The following CCNT1 variants were observed in gnomAD, a reference collection of about 807,000 sequenced individuals.
CCNT1 encodes cyclin T1.
Under a neutral mutation model 67.3 loss-of-function variants are expected in CCNT1, and 18 were observed. That is an observed-to-expected ratio of 0.27 (90% CI 0.18 to 0.40). CCNT1 has a LOEUF of 0.40. Among genes scored for constraint, CCNT1 ranks in the 10% least tolerant of loss-of-function variants. The probability of loss-of-function intolerance (pLI) is 1.00; values close to 1 mark genes in which losing one functional copy is unlikely to be tolerated. For synonymous variants in CCNT1, 333 were observed against 310.3 expected (o/e 1.07, Z -0.77); for missense variants, 744 against 884.9 (o/e 0.84, Z 2.02).
intron 1 of CCNT1, among the ~76,000 whole-genome samples, chr12:48,715,846 T>C (rs1446960160): frequency 6.6e-6 from 1 of 152,232 alleles, no homozygotes; most frequent in African/African-American, 2.4e-5. Context: ...TTTAAAACAT[T>C]AGATTCGTGG....
At chr12:48,711,239 G>C (rs1429639297) in intron 2 of CCNT1, among the ~76,000 whole-genome samples, 1 of 151,948 alleles carries the variant, frequency 6.6e-6, no homozygotes, top group African/African-American at 2.4e-5. Context: ...AATTAGCTGG[G>C]TGTGGTGGCG....
At chr12:48,699,987 T>C (rs1940238298) in intron 4 of CCNT1, 147 bp from the exon 5 acceptor site, 2 of 575,846 alleles carry the variant, frequency 3.5e-6, no homozygotes, top group Admixed American at 3.2e-5. Context: ...AAAAACATCA[T>C]TGTCCCATGA....
At chr12:48,694,491 C>T in intron 8 of CCNT1, 55 bp from the exon 9 acceptor site, 4 of 1,480,818 alleles carry the variant, frequency 2.7e-6, no homozygotes, top group Middle Eastern at 1.8e-4. Context: ...AATAAAAAAA[C>T]ACTGAGATGA....
intron 3 of CCNT1, among the ~76,000 whole-genome samples, chr12:48,705,242 G>A (rs578183107): frequency 1.3e-5 from 2 of 152,172 alleles, no homozygotes; most frequent in East Asian, 3.9e-4. Context: ...CTCCCAAGTA[G>A]CTGGGACTAA....
chr12:48,712,141 C>T (rs924179057), intron 2 of CCNT1, among the ~76,000 whole-genome samples: 3 of 152,102 alleles, frequency 2.0e-5, no homozygotes, highest in South Asian at 2.1e-4. Context: ...TGTGCAGTTA[C>T]TCCCAATACT....
Position 48,697,851 on chromosome 12 carries a change from AAAAAAT to A in CCNT1, c.542+281_542+286del, listed in dbSNP as rs1449256786. ...AATAATAATAATTTAAAAAAAAAAAAAAAAATATATATATATATATATATATACACA... is the reference window on the plus strand; with the variant it reads ...AATAATAATAATTTAAAAAAAAAAAAATATATATATATATATATATACACA... On this transcript the variant is annotated intron_variant, in intron 6 of 8. Transcript: ENST00000261900. 932 of 99,400 alleles carry A rather than the reference AAAAAAT, an allele frequency of 9.4e-3. 1 individual carries two copies. The highest frequency in any genetic ancestry group is 0.022 in the African/African-American group (622 of 28,672). The allele number at this position is 99,400 out of a possible 1,614,324, so 6.2% of individuals were successfully genotyped here.
chr12:48,696,796 T>A (rs1447554715), intron 6 of CCNT1, among the ~76,000 whole-genome samples: 2 of 152,202 alleles, frequency 1.3e-5, no homozygotes, highest in East Asian at 3.8e-4. Flanking sequence ...TAACTAACAA[T>A]GTTGGGCAAG....
Position 48,690,985 on chromosome 12 carries a change from A to G in CCNT1, c.*2048T>C, listed in dbSNP as rs1940063138. 6.6e-6 allele frequency: 1 copy of G among 152,230 alleles called. No individual in the cohort carries two copies. Among genetic ancestry groups the G allele is most frequent in the Admixed American group, 6.5e-5 (1 of 15,278 alleles). The allele number at this position is 152,230 out of a possible 1,614,324, so 9.4% of individuals were successfully genotyped here. Reference sequence around the variant, plus strand: ...TAAATAGAAGCCCTAAATGTACTAAACCACAACTATATATCTACCAATTAT... The same window carrying G: ...TAAATAGAAGCCCTAAATGTACTAAGCCACAACTATATATCTACCAATTAT... On this transcript the variant is annotated 3_prime_UTR_variant, in exon 9 of 9. Transcript: ENST00000261900.
At position 48,692,377 on chromosome 12, in the gene CCNT1, C is replaced by T. The variant is rs1005962771; in HGVS notation, c.*656G>A. 1 of 151,940 alleles carries T rather than the reference C, an allele frequency of 6.6e-6. No individual in the cohort carries two copies. The highest frequency in any genetic ancestry group is 1.5e-5 in the Non-Finnish European group (1 of 68,042). The allele number at this position is 151,940 out of a possible 1,614,324, so 9.4% of individuals were successfully genotyped here. A position where few individuals can be genotyped will look rare whatever the true frequency, so the allele number is the denominator to read the frequency against. ...TTTTAAACACACACACTTAAAAACACACATACCCACACTTACATACACACT... is the reference window on the plus strand; with the variant it reads ...TTTTAAACACACACACTTAAAAACATACATACCCACACTTACATACACACT... On this transcript the variant is annotated 3_prime_UTR_variant, in exon 9 of 9. Coordinates refer to ENST00000261900, the MANE Select transcript of CCNT1 (RefSeq NM_001240.4).
At position 48,694,319 on chromosome 12, in the gene CCNT1, A is replaced by C. The variant is rs1940136363; in HGVS notation, c.895T>G (p.Leu299Val). ...GTGGTAGAAGTTGACATGCTCATTA[A>C]ACCTGCAATGGTTGTGTCTGAAGAG... ...QSSSDTTIAGLMSMSTSTTSA... is the reference protein window; with the variant it reads ...QSSSDTTIAGVMSMSTSTTSA... The change falls in exon 9 of 9, where the codon TTA becomes GTA. Residue 299 changes from leucine to valine, a missense_variant. Leu to Val is a conservative substitution (Grantham distance 32, BLOSUM62 1). Transcript: ENST00000261900. The C allele has an allele frequency of 6.2e-7, 1 of 1,614,188 alleles. No homozygotes were observed. Among genetic ancestry groups the C allele is most frequent in the East Asian group, 2.2e-5 (1 of 44,884 alleles).
intron 3 of CCNT1, among the ~76,000 whole-genome samples, chr12:48,702,488 A>C (rs1383087934): frequency 6.6e-6 from 1 of 152,248 alleles, no homozygotes; most frequent in Admixed American, 6.5e-5. Flanking sequence ...TTAGACAGTT[A>C]AAAAATAAAG....
chr12:48,693,130 G>A lies in CCNT1; in HGVS notation c.2084C>T (p.Ser695Phe). The A allele has an allele frequency of 6.2e-7, 1 of 1,614,150 alleles. No individual in the cohort carries two copies. Among genetic ancestry groups the A allele is most frequent in the South Asian group, 1.1e-5 (1 of 91,080 alleles). The change falls in exon 9 of 9, where the codon TCT (serine) becomes TTT (phenylalanine). Residue 695 changes from serine to phenylalanine, a missense_variant. This residue lies in a region of CCNT1 where 564 missense variants were observed against 574.2 expected (regional missense o/e 0.98). Transcript: ENST00000261900. ...RPYSDYLNPR[S>F]GGISSRSGNT... ...GCCAGATCTCGAGGAGATTCCACCA[G>A]ACCGAGGATTCAGATAGTCACTATA...
At chr12:48,699,948 A>C in intron 4 of CCNT1, 108 bp from the exon 5 acceptor site, 1 of 597,138 alleles carries the variant, frequency 1.7e-6, no homozygotes. Flanking sequence ...TTTCCACACT[A>C]AAATATTAAT....
chr12:48,708,272 C>T (rs1295806023), intron 2 of CCNT1, among the ~76,000 whole-genome samples: 1 of 150,096 alleles, frequency 6.7e-6, no homozygotes, highest in Non-Finnish European at 1.5e-5. Context: ...GTAGGCCGGG[C>T]GTGGTGGCTC....
intron 3 of CCNT1, 122 bp from the exon 4 acceptor site, chr12:48,701,195 G>A: frequency 3.1e-6 from 1 of 325,520 alleles, no homozygotes; most frequent in Non-Finnish European, 6.2e-6. Flanking sequence ...TTAGGAGGTA[G>A]AGTTAAGAAC....
chr12:48,688,609 T>C lies in CCNT1; in HGVS notation c.*4424A>G, dbSNP rs1305599094. 1 of 152,178 alleles carries C rather than the reference T, an allele frequency of 6.6e-6. No homozygotes were observed. Among genetic ancestry groups the C allele is most frequent in the Non-Finnish European group, 1.5e-5 (1 of 68,038 alleles). 9.4% of individuals were successfully genotyped at this position (152,178 alleles called of 1,614,324 possible). On this transcript the variant is annotated 3_prime_UTR_variant, in exon 9 of 9. Transcript: ENST00000261900. ...ATTTTTTTACAAAGAGCCCTTACTA[T>C]AATGGTCACTTACCTCCTATCATTC...
At chr12:48,714,389 G>C in intron 2 of CCNT1, 54 bp downstream of exon 2, 1 of 1,104,398 alleles carries the variant, frequency 9.1e-7, no homozygotes, top group South Asian at 1.3e-5. Flanking sequence ...AAATGGAATA[G>C]GTAGGTGGAA....
At position 48,689,113 on chromosome 12, in the gene CCNT1, C is replaced by T. The variant is rs1351921375; in HGVS notation, c.*3920G>A. ...GTCAAGCATCCCTCTCCATGCTTAA[C>T]ATGGCAACACAAAACCCAAGAGTCC... On this transcript the variant is annotated 3_prime_UTR_variant, in exon 9 of 9. Coordinates refer to ENST00000261900, the MANE Select transcript of CCNT1 (RefSeq NM_001240.4). 6.6e-6 allele frequency: 1 copy of T among 152,220 alleles called. No homozygotes were observed. Among genetic ancestry groups the T allele is most frequent in the East Asian group, 1.9e-4 (1 of 5,206 alleles). 9.4% of individuals were successfully genotyped at this position (152,220 alleles called of 1,614,324 possible).
intron 2 of CCNT1, among the ~76,000 whole-genome samples, chr12:48,709,470 A>AT (rs1565620866): frequency 6.6e-6 from 1 of 152,236 alleles, no homozygotes; most frequent in South Asian, 2.1e-4. Context: ...AGTGCACTAT[A>AT]TATGTACAAG....
Sources: gnomAD v4.1 joint callset for allele counts (sites outside exome capture counted in the v4.1 genomes callset) on GRCh38, gnomAD v4.1.1 for gene constraint, gnomAD v4.1.1 regional missense constraint, MANE v1.5 for transcripts, NCBI Gene and HGNC (gene_info 2026-07-23, HGNC 2026-07-21) for gene names.